CFLAR: variants seen among roughly 807,000 people sequenced by gnomAD.
CFLAR encodes the protein CASP8 and FADD-like apoptosis regulator.
Under a neutral mutation model 51.1 loss-of-function variants are expected in CFLAR, and 14 were observed. The observed-to-expected ratio is 0.27, with a 90% CI of 0.18 to 0.43. The LOEUF (loss-of-function observed/expected upper bound fraction) is 0.43. Among genes scored for constraint, CFLAR ranks in the 20% least tolerant of loss-of-function variants. The pLI is 1.00. For synonymous variants in CFLAR, 210 were observed against 211.6 expected (o/e 0.99, Z 0.06); for missense variants, 390 against 566.5 (o/e 0.69, Z 3.16).
chr2:201,154,835 G>A (rs1001134197), intron 8 of CFLAR, among the ~76,000 whole-genome samples: 3 of 152,276 alleles, frequency 2.0e-5, no homozygotes, highest in Non-Finnish European at 4.4e-5. Flanking sequence ...TATGTGCAAA[G>A]CACCATGCTT....
At chr2:201,136,590 A>C in intron 4 of CFLAR, 1 of 1,445,936 alleles carries the variant, frequency 6.9e-7, no homozygotes, top group Non-Finnish European at 9.0e-7. Flanking sequence ...GACCAGATTC[A>C]CATTGGCCTT....
rs531410289 is a variant in CFLAR at position 201,135,939 on chromosome 2, T to C, written c.388-33T>C. 29 of 1,599,336 alleles carry C rather than the reference T, an allele frequency of 1.8e-5. 1 individual carries two copies. The Admixed American group carries it at 2.6e-4, about 15-fold the overall frequency. On this transcript the variant is annotated intron_variant, in intron 3 of 9. Transcript: ENST00000309955. ...TCTGCACCTGGCCTAGCTAGCTCTA[T>C]TGACATTTGTTTTTTGTTGGTGGTT...
intron 5 of CFLAR, chr2:201,141,759 G>A (rs967078752): frequency 1.1e-5 from 5 of 474,014 alleles, no homozygotes; most frequent in Non-Finnish European, 1.4e-5. Flanking sequence ...ACAAGGTATC[G>A]GAATTGTTCT....
intron 8 of CFLAR, among the ~76,000 whole-genome samples, chr2:201,155,026 T>A (rs1259973582): frequency 6.6e-6 from 1 of 152,212 alleles, no homozygotes; most frequent in African/African-American, 2.4e-5. Context: ...TATCTCAGTT[T>A]GGTAGAATTG....
intron 1 of CFLAR, 156 bp from the exon 2 acceptor site, chr2:201,129,573 C>T: frequency 2.3e-6 from 1 of 425,692 alleles, no homozygotes; most frequent in East Asian, 3.3e-5. Flanking sequence ...TTCTGTCTAC[C>T]AAGGATCCCT....
At chr2:201,163,778 C>G in intron 9 of CFLAR, 57 bp from the exon 10 acceptor site, 5 of 1,567,408 alleles carry the variant, frequency 3.2e-6, no homozygotes, top group Non-Finnish European at 3.5e-6. Context: ...GCCCTAATGA[C>G]AGTCTTCTCT....
chr2:201,131,300 G>A (rs1360271900), intron 2 of CFLAR, among the ~76,000 whole-genome samples: 1 of 152,020 alleles, frequency 6.6e-6, no homozygotes, highest in Non-Finnish European at 1.5e-5. Flanking sequence ...GCAGTGGTGC[G>A]ATCTTGGCTC....
chr2:201,141,504 T>C, intron 5 of CFLAR: 1 of 1,517,864 alleles, frequency 6.6e-7, no homozygotes, highest in Non-Finnish European at 8.8e-7. Flanking sequence ...TGTGTTATAA[T>C]GTGTTTAGCC....
chr2:201,130,120 G>A lies in CFLAR; in HGVS notation c.255G>A (p.Arg85=). The A allele has an allele frequency of 7.6e-7, 1 of 1,317,880 alleles. No individual in the cohort carries two copies. Among genetic ancestry groups the A allele is most frequent in the Non-Finnish European group, 1.0e-6 (1 of 997,806 alleles). 81.6% of individuals were successfully genotyped at this position (1,317,880 alleles called of 1,614,324 possible). A position where few individuals can be genotyped will look rare whatever the true frequency, so the allele number is the denominator to read the frequency against. ...AAGCTGTGGAGACCCACCTGCTCAG[G>A]AACCCTCACCTTGTTTCGGACTATA... ...DRKAVETHLL[R]NPHLVSDYRV... The change falls in exon 2 of 10, where the codon AGG becomes AGA. Residue 85 remains arginine (R), a synonymous_variant. Coordinates refer to ENST00000309955, the MANE Select transcript of CFLAR (RefSeq NM_003879.7).
intron 2 of CFLAR, among the ~76,000 whole-genome samples, chr2:201,132,151 T>C (rs1448978473): frequency 1.3e-5 from 2 of 152,090 alleles, no homozygotes; most frequent in Non-Finnish European, 2.9e-5. Flanking sequence ...GAGTGGAGAT[T>C]CTTCAGGCCC....
chr2:201,140,759 G>GTA (rs750211537), intron 5 of CFLAR: 1,225 of 97,942 alleles, frequency 0.013, 6 homozygotes, highest in African/African-American at 0.028. Flanking sequence ...CTGTATGTAT[G>GTA]TATATATATA....
At chr2:201,128,571 T>G (rs1358152223) in intron 1 of CFLAR, among the ~76,000 whole-genome samples, 1 of 152,242 alleles carries the variant, frequency 6.6e-6, no homozygotes, top group African/African-American at 2.4e-5. Flanking sequence ...TCAAATCTTT[T>G]GTGGACTGAT....
intron 8 of CFLAR, among the ~76,000 whole-genome samples, chr2:201,158,563 G>A (rs536478063): frequency 2.6e-5 from 4 of 152,218 alleles, no homozygotes; most frequent in African/African-American, 7.2e-5. Flanking sequence ...AGACGTGTGA[G>A]TCCTTTGGAA....
rs1195776014 is a variant in CFLAR at position 201,164,679 on chromosome 2, A to G, written c.*706A>G. On this transcript the variant is annotated 3_prime_UTR_variant, in exon 10 of 10. Transcript: ENST00000309955. ...CAAATGTTAAATCTCCTTTGGCAGC[A>G]CCCTCACAGATGTACCCGGGAACAC... 2 of 152,146 alleles carry G rather than the reference A, an allele frequency of 1.3e-5. No individual in the cohort carries two copies. The highest frequency in any genetic ancestry group is 2.9e-5 in the Non-Finnish European group (2 of 68,044). 9.4% of individuals were successfully genotyped at this position (152,146 alleles called of 1,614,324 possible).
intron 8 of CFLAR, among the ~76,000 whole-genome samples, chr2:201,155,364 C>G (rs1348278993): frequency 6.6e-6 from 1 of 151,774 alleles, no homozygotes; most frequent in Middle Eastern, 3.2e-3. Flanking sequence ...CTCCCGGGTT[C>G]AAGCGATTCT....
chr2:201,151,497 A>G (rs114970801), intron 8 of CFLAR, among the ~76,000 whole-genome samples: 4,772 of 152,228 alleles, frequency 0.031, 112 homozygotes, highest in Middle Eastern at 0.068. Flanking sequence ...ATTTTCCAGG[A>G]TTTCAGATAC....
Position 201,163,935 on chromosome 2 carries a change from C to T in CFLAR, c.1405C>T (p.His469Tyr), listed in dbSNP as rs775407244. ...GGAGAAATATTATGTCTGGCTGCAGCACACTCTGAGAAAGAAACTTATCCT... is the reference window on the plus strand; with the variant it reads ...GGAGAAATATTATGTCTGGCTGCAGTACACTCTGAGAAAGAAACTTATCCT... ...AKEKYYVWLQ[H>Y]TLRKKLILSY... Residue 469 changes from histidine (H) to tyrosine (Y), a missense_variant, in exon 10 of 10, where the codon CAC (histidine) becomes TAC (tyrosine). Around this residue, in one of 2 missense-constraint regions of CFLAR, gnomAD observed 287 missense variants for 363.6 expected, o/e 0.79. Coordinates refer to ENST00000309955, the MANE Select transcript of CFLAR (RefSeq NM_003879.7). 6.2e-7 allele frequency: 1 copy of T among 1,614,110 alleles called. No individual in the cohort carries two copies.
rs1944132912 is a variant in CFLAR at position 201,174,226 on chromosome 2, A to G, written c.*10253A>G. 6.6e-6 allele frequency: 1 copy of G among 152,058 alleles called. No individual in the cohort carries two copies. The highest frequency in any genetic ancestry group is 1.5e-5 in the Non-Finnish European group (1 of 68,000). 9.4% of individuals were successfully genotyped at this position (152,058 alleles called of 1,614,324 possible). ...CAATTGCCTATGAGGTGTTACCCCT[A>G]TGTTTTCTTCTAAAGTTTTATGATT... On this transcript the variant is annotated 3_prime_UTR_variant, in exon 10 of 10. Transcript: ENST00000309955.
At chr2:201,147,600 T>C (rs1176425761) in intron 6 of CFLAR, 3 of 151,488 alleles carry the variant, frequency 2.0e-5, no homozygotes, top group Admixed American at 6.6e-5. Flanking sequence ...CCAGGCATGG[T>C]GGCTAACGCC....
Sources: allele counts gnomAD v4.1 joint callset (sites outside exome capture counted in the v4.1 genomes callset), GRCh38; gene constraint gnomAD v4.1.1; regional missense constraint gnomAD v4.1.1; transcripts MANE v1.5; gene names NCBI Gene and HGNC (gene_info 2026-07-23, HGNC 2026-07-21).